The following NARF variants were observed in gnomAD, a reference collection of about 807,000 sequenced individuals.
The protein encoded by NARF is nuclear prelamin A recognition factor, also known as iron-only hydrogenase-like protein 2.
A neutral mutation model predicts 48.0 loss-of-function variants in NARF; 41 were observed. The ratio of observed to expected loss-of-function variants is 0.85; its 90% CI spans 0.66 to 1.11. NARF has a LOEUF of 1.11. Among genes scored for constraint, NARF ranks in the 50% least tolerant of loss-of-function variants. NARF has a pLI of 0.00. For synonymous variants in NARF, 215 were observed against 225.5 expected (o/e 0.95, Z 0.42); for missense variants, 613 against 590.2 (o/e 1.04, Z -0.40).
intron 2 of NARF, among the ~76,000 whole-genome samples, chr17:82,461,658 G>A (rs2043442304): frequency 2.6e-5 from 4 of 152,198 alleles, no homozygotes; most frequent in Admixed American, 2.6e-4. Flanking sequence ...ACGCCCAGAA[G>A]GAACATTACA....
chr17:82,464,397 C>T lies in NARF; in HGVS notation c.219C>T (p.Ala73=). 6.2e-7 allele frequency: 1 copy of T among 1,613,956 alleles called. No homozygotes were observed. Among genetic ancestry groups the T allele is most frequent in the South Asian group, 1.1e-5 (1 of 91,060 alleles). ...EEGVQLSQQN[A]KDFFRVLNLN... is the part of the protein sequence containing the mutation. ...GAGTCCAACTTTCCCAGCAAAATGC[C>T]AAGGACTTCTTCCGCGTTCTGAACC... is the stretch of plus-strand genomic sequence containing the variant. The change falls in exon 3 of 11, where the codon GCC becomes GCT. Residue 73 remains alanine, a synonymous_variant. Coordinates refer to ENST00000309794, the MANE Select transcript of NARF (RefSeq NM_012336.4).
intron 3 of NARF, among the ~76,000 whole-genome samples, chr17:82,467,041 G>A (rs527801774): frequency 2.2e-4 from 33 of 149,158 alleles, no homozygotes; most frequent in African/African-American, 6.7e-4. Context: ...CTTGTACTGC[G>A]TGTCTATTTC....
At chr17:82,462,188 G>A (rs1404855709) in intron 2 of NARF, among the ~76,000 whole-genome samples, 1 of 152,212 alleles carries the variant, frequency 6.6e-6, no homozygotes, top group Non-Finnish European at 1.5e-5. Context: ...GATGGACACA[G>A]GGTGAGAGGA....
At chr17:82,487,788 C>CCAAAACGAAAAAA in intron 10 of NARF, 128 bp from the exon 11 acceptor site, 1 of 759,778 alleles carries the variant, frequency 1.3e-6, no homozygotes, top group Non-Finnish European at 2.1e-6. Context: ...CCCTCCCGCC[C>CCAAAACGAAAAAA]AATCTCTACA....
At chr17:82,472,815 C>A in intron 5 of NARF, 117 bp downstream of exon 5, 1 of 1,294,106 alleles carries the variant, frequency 7.7e-7, no homozygotes, top group Non-Finnish European at 1.0e-6. Context: ...GCCTTGTAGA[C>A]CAGGAGGGAA....
In NARF at chr17:82,481,191, CT is replaced by C; in HGVS notation, c.750del (p.Asp251ThrfsTer4). 6.2e-7 allele frequency: 1 copy of C among 1,614,086 alleles called. No homozygotes were observed. The highest frequency in any genetic ancestry group is 8.5e-7 in the Non-Finnish European group (1 of 1,180,018). ...LPPALHGSRG[A>X]DCVLTSGEIA... is the part of the protein sequence containing the mutation. ...CCTGCTTTGCATGGCTCCCGGGGCG[CT>C]GACTGCGTGTTAACATCAGGTGAGA... On this transcript the variant is annotated frameshift_variant, in exon 7 of 11. Coordinates refer to ENST00000309794, the MANE Select transcript of NARF (RefSeq NM_012336.4). LOFTEE classifies it high-confidence loss of function.
At position 82,464,372 on chromosome 17, in the gene NARF, G is replaced by A. The variant is rs889062434; in HGVS notation, c.194G>A (p.Gly65Glu). 4 of 1,613,976 alleles carry A rather than the reference G, an allele frequency of 2.5e-6. No individual in the cohort carries two copies. Among genetic ancestry groups the A allele is most frequent in the Non-Finnish European group, 3.4e-6 (4 of 1,179,966 alleles). ...ACDSCMTAEE[G>E]VQLSQQNAKD... ...GACAGCTGTATGACTGCAGAGGAAG[G>A]AGTCCAACTTTCCCAGCAAAATGCC... The change falls in exon 3 of 11, where the codon GGA (glycine) becomes GAA (glutamate). Residue 65 changes from glycine (G) to glutamate (E), a missense_variant. Transcript: ENST00000309794.
chr17:82,472,598 G>A lies in NARF; in HGVS notation c.420G>A (p.Ala140=), dbSNP rs769508355. ...ATGTATTTGATACGACGATAGCTGC[G>A]GATTTTAGTATCCTGGAGAGTCAAA... The part of the protein sequence containing the change: ...VHYVFDTTIA[A]DFSILESQKE... Residue 140 remains alanine, a synonymous_variant, in exon 5 of 11, where the codon GCG becomes GCA. Transcript: ENST00000309794. 45 of 1,613,376 alleles carry A rather than the reference G, an allele frequency of 2.8e-5. No homozygotes were observed. The highest frequency in any genetic ancestry group is 1.6e-4 in the Middle Eastern group (1 of 6,078).
intron 5 of NARF, among the ~76,000 whole-genome samples, chr17:82,472,947 T>A (rs2043747631): frequency 1.3e-5 from 2 of 151,060 alleles, no homozygotes; most frequent in African/African-American, 4.9e-5. Context: ...TTATTTTTAT[T>A]ATTTTTTTTT....
chr17:82,468,555 T>C lies in NARF; in HGVS notation c.253-209T>C, dbSNP rs529471993. 1.1e-4 allele frequency: 57 copies of C among 533,854 alleles called. No individual in the cohort carries two copies. In the East Asian group the frequency reaches 1.6e-3, roughly 15 times the overall value. The allele number at this position is 533,854 out of a possible 1,614,324, so 33.1% of individuals were successfully genotyped here. A position where few individuals can be genotyped will look rare whatever the true frequency, so the allele number is the denominator to read the frequency against. The stretch of plus-strand genomic sequence containing the variant: ...TGTTTCATTTTTTAAATCCTGACTT[T>C]TAAAAAAATATTTACCAGAAGCCCA... On this transcript the variant is annotated intron_variant, in intron 3 of 10. Transcript: ENST00000309794.
rs532335384 is a variant in NARF at position 82,469,078 on chromosome 17, A to C, written c.385+182A>C. On this transcript the variant is annotated intron_variant, in intron 4 of 10. Transcript: ENST00000309794. ...CCCAGCCTCTGATCGATGGTAGACGAGTGTCACTTTTCTCCTTTGCTGTGC... is the reference window on the plus strand; with the variant it reads ...CCCAGCCTCTGATCGATGGTAGACGCGTGTCACTTTTCTCCTTTGCTGTGC... Among the ~76,000 whole-genome samples, 25 of 152,302 alleles carry C rather than the reference A, an allele frequency of 1.6e-4. 2 individuals are homozygous for C. In the Middle Eastern group the frequency reaches 0.02, roughly 124 times the overall value.
intron 5 of NARF, 103 bp downstream of exon 5, chr17:82,472,801 C>G: frequency 1.4e-6 from 2 of 1,395,532 alleles, no homozygotes; most frequent in Non-Finnish European, 1.9e-6. Flanking sequence ...ACCCATCCCA[C>G]CCAGCCTTGT....
chr17:82,467,172 G>A (rs2043590536), intron 3 of NARF, among the ~76,000 whole-genome samples: 1 of 151,894 alleles, frequency 6.6e-6, no homozygotes, highest in Admixed American at 6.6e-5. Flanking sequence ...TCAGCCCCCT[G>A]AGTATCTGGG....
intron 8 of NARF, 110 bp from the exon 9 acceptor site, chr17:82,484,703 T>C: frequency 7.3e-7 from 1 of 1,371,342 alleles, no homozygotes; most frequent in African/African-American, 1.5e-5. Context: ...AGGATTTAGC[T>C]TCTTTGGTGG....
intron 1 of NARF, chr17:82,459,174 A>G: frequency 9.1e-7 from 1 of 1,095,112 alleles, no homozygotes; most frequent in Middle Eastern, 3.9e-4. Context: ...AGAGGGTTTT[A>G]GGCGTTTTCG....
intron 3 of NARF, among the ~76,000 whole-genome samples, chr17:82,466,873 C>CTT (rs1270959256): frequency 7.9e-5 from 12 of 151,240 alleles, no homozygotes; most frequent in African/African-American, 2.9e-4. Flanking sequence ...CCATTTGTTT[C>CTT]TTTTTTTTCG....
chr17:82,461,040 T>C (rs1351647357), intron 2 of NARF: 1 of 151,558 alleles, frequency 6.6e-6, no homozygotes, highest in Non-Finnish European at 1.5e-5. Context: ...TCAGCCTCCC[T>C]AGTAGCTGGG....
At chr17:82,469,044 G>A (rs2043637557) in intron 4 of NARF, 148 bp downstream of exon 4, 1 of 862,624 alleles carries the variant, frequency 1.2e-6, no homozygotes, top group Non-Finnish European at 1.7e-6. Context: ...TGTCCCGTGT[G>A]TCATGAAACC....
At chr17:82,459,305 G>C (rs2043370974) in intron 1 of NARF, 15 of 497,540 alleles carry the variant, frequency 3.0e-5, no homozygotes, top group Non-Finnish European at 3.9e-5. Flanking sequence ...GCGCACGCAG[G>C]GGGGTTTTGT....
Sources: allele counts gnomAD v4.1 joint callset (sites outside exome capture counted in the v4.1 genomes callset), GRCh38; gene constraint gnomAD v4.1.1; transcripts MANE v1.5; gene names NCBI Gene and HGNC (gene_info 2026-07-23, HGNC 2026-07-21).